Variants in CD9 observed in about 807,000 individuals in gnomAD.
The protein encoded by CD9 is CD9 molecule.
Under a neutral mutation model 31.4 loss-of-function variants are expected in CD9, and 10 were observed. The observed-to-expected ratio is 0.32, with a 90% CI of 0.20 to 0.54. The LOEUF (loss-of-function observed/expected upper bound fraction) is 0.54. Among genes scored for constraint, CD9 ranks in the 20% least tolerant of loss-of-function variants. The pLI is 0.94. For synonymous variants in CD9, 113 were observed against 114.1 expected (o/e 0.99, Z 0.06); for missense variants, 259 against 300.1 (o/e 0.86, Z 1.01).
chr12:6,217,517 T>A (rs1189431281), intron 1 of CD9, among the ~76,000 whole-genome samples: 1 of 152,088 alleles, frequency 6.6e-6, no homozygotes, highest in Non-Finnish European at 1.5e-5. Flanking sequence ...GGTGACAGAT[T>A]GAGACCTGTC....
At chr12:6,201,594 T>A (rs760990779) in intron 1 of CD9, among the ~76,000 whole-genome samples, 1 of 152,240 alleles carries the variant, frequency 6.6e-6, no homozygotes, top group African/African-American at 2.4e-5. Context: ...AAGCAAGGAA[T>A]AGGAAACCCT....
At chr12:6,213,072 C>T (rs918975753) in intron 1 of CD9, among the ~76,000 whole-genome samples, 3 of 152,166 alleles carry the variant, frequency 2.0e-5, no homozygotes, top group Admixed American at 6.5e-5. Context: ...ACACAACCAG[C>T]GTCTTACGAT....
At chr12:6,227,870 G>A (rs1265108500) in intron 2 of CD9, among the ~76,000 whole-genome samples, 1 of 152,162 alleles carries the variant, frequency 6.6e-6, no homozygotes, top group Non-Finnish European at 1.5e-5. Flanking sequence ...CCCCTGCGTC[G>A]GTGGCCCAGC....
intron 1 of CD9, among the ~76,000 whole-genome samples, chr12:6,221,174 T>TTTCCTCTCG (rs1368540549): frequency 1.3e-4 from 20 of 152,222 alleles, no homozygotes; most frequent in African/African-American, 4.8e-4. Flanking sequence ...AAATGACCCT[T>TTTCCTCTCG]TTCCTCTCGG....
intron 4 of CD9, among the ~76,000 whole-genome samples, 176 bp downstream of exon 4, chr12:6,233,662 G>A (rs1946480163): frequency 6.6e-6 from 1 of 152,138 alleles, no homozygotes; most frequent in Non-Finnish European, 1.5e-5. Context: ...GGGAATGTCA[G>A]TGCGCTTACT....
Position 6,209,107 on chromosome 12 carries a change from TAC to T in CD9, c.66+8544_66+8545del, listed in dbSNP as rs1946165519. ...CCTCAGCCTCCTGAGTAGCTGCGACTACAGGCACATGCCACCACGCCCAGCTA... is the reference window on the plus strand; with the variant it reads ...CCTCAGCCTCCTGAGTAGCTGCGACTAGGCACATGCCACCACGCCCAGCTA... On this transcript the variant is annotated intron_variant, in intron 1 of 7. Transcript: ENST00000009180. Among the ~76,000 whole-genome samples the T allele has an allele frequency of 3.3e-5, 5 of 152,192 alleles. No homozygotes were observed. The South Asian group carries it at 1.0e-3, about 31-fold the overall frequency.
In CD9 at chr12:6,232,531, G is replaced by C; in HGVS notation, c.176-101G>C. 1.3e-6 allele frequency: 1 copy of C among 742,822 alleles called. No individual in the cohort carries two copies. The highest frequency in any genetic ancestry group is 2.4e-6 in the Non-Finnish European group (1 of 421,806). The allele number at this position is 742,822 out of a possible 1,614,324, so 46.0% of individuals were successfully genotyped here. On this transcript the variant is annotated intron_variant, in intron 2 of 7. Transcript: ENST00000009180. The surrounding 1 kb of genome is among the most constrained non-coding windows in gnomAD (Gnocchi z 4.8). ...CTGAGATGAGGGGAATAAGGAGGTG[G>C]GGAGGCAGGAGTTAGGCAGAGGGAA...
chr12:6,235,141 G>C, intron 4 of CD9, 88 bp from the exon 5 acceptor site: 2 of 983,172 alleles, frequency 2.0e-6, no homozygotes, highest in South Asian at 2.9e-5. Flanking sequence ...TGAGAGCTTA[G>C]AGAGAACAAG....
chr12:6,225,535 G>T lies in CD9; in HGVS notation c.175+1G>T. ...AATAATAATTCCAGCTTCTACACAG[G>T]TGAGGGACGGGGAAGGCTCAGTGAA... is the stretch of plus-strand genomic sequence containing the variant. On this transcript the variant is annotated splice_donor_variant, in intron 2 of 7. Coordinates refer to ENST00000009180, the MANE Select transcript of CD9 (RefSeq NM_001769.4). LOFTEE classifies it high-confidence loss of function. 1 of 1,577,180 alleles carries T rather than the reference G, an allele frequency of 6.3e-7. No individual in the cohort carries two copies. Among genetic ancestry groups the T allele is most frequent in the Non-Finnish European group, 8.7e-7 (1 of 1,146,414 alleles).
intron 1 of CD9, among the ~76,000 whole-genome samples, chr12:6,222,722 A>G (rs1046496809): frequency 2.0e-5 from 3 of 152,206 alleles, no homozygotes; most frequent in Non-Finnish European, 4.4e-5. Flanking sequence ...GGGGCTCTCT[A>G]TAAGATGGAA....
At chr12:6,213,279 A>G (rs919008325) in intron 1 of CD9, among the ~76,000 whole-genome samples, 1 of 152,196 alleles carries the variant, frequency 6.6e-6, no homozygotes, top group Non-Finnish European at 1.5e-5. Context: ...ATGAAACCAC[A>G]TCACACAAGA....
intron 1 of CD9, among the ~76,000 whole-genome samples, chr12:6,218,748 T>C (rs987812722): frequency 3.3e-5 from 5 of 152,174 alleles, no homozygotes; most frequent in African/African-American, 1.2e-4. Context: ...ATTCTCATCT[T>C]TGCGTGGGAG....
At chr12:6,225,108 A>C (rs1183622515) in intron 1 of CD9, 1 of 307,214 alleles carries the variant, frequency 3.3e-6, no homozygotes, top group Non-Finnish European at 6.0e-6. Context: ...TTGGTTTAGC[A>C]TTGTGAGATG....
In CD9 at chr12:6,235,600, C is replaced by G. The variant is rs199852151; in HGVS notation, c.537+35C>G. 81 of 1,583,204 alleles carry G rather than the reference C, an allele frequency of 5.1e-5. 1 individual carries two copies. In the African/African-American group the frequency reaches 8.4e-4, roughly 17 times the overall value. On this transcript the variant is annotated intron_variant, in intron 6 of 7. Transcript: ENST00000009180. The stretch of plus-strand genomic sequence containing the variant: ...GACCAGGATCCTGGTGTCCCTGCCC[C>G]CATTGCTCTGGACAAACCCTGCAAG...
At chr12:6,227,133 A>G (rs1228955998) in intron 2 of CD9, among the ~76,000 whole-genome samples, 1 of 151,966 alleles carries the variant, frequency 6.6e-6, no homozygotes, top group Non-Finnish European at 1.5e-5. Flanking sequence ...TAGATGTGGG[A>G]GTTAAGAATC....
At chr12:6,236,306 G>A in intron 7 of CD9, 31 bp downstream of exon 7, 1 of 1,592,760 alleles carries the variant, frequency 6.3e-7, no homozygotes, top group Non-Finnish European at 8.6e-7. Context: ...CCAGGAGGGG[G>A]ACTGAGGAGT....
At chr12:6,204,106 T>C (rs1946103672) in intron 1 of CD9, among the ~76,000 whole-genome samples, 1 of 152,194 alleles carries the variant, frequency 6.6e-6, no homozygotes, top group African/African-American at 2.4e-5. Context: ...TCAACTCACT[T>C]TGAAACCTTG....
At chr12:6,225,297 C>T (rs1946349253) in intron 1 of CD9, 129 bp from the exon 2 acceptor site, 2 of 663,426 alleles carry the variant, frequency 3.0e-6, no homozygotes, top group Admixed American at 2.4e-5. Context: ...TCTACAACTA[C>T]CAGGCGTATA....
At chr12:6,209,669 C>G (rs1056103305) in intron 1 of CD9, among the ~76,000 whole-genome samples, 2 of 145,170 alleles carry the variant, frequency 1.4e-5, no homozygotes, top group African/African-American at 5.0e-5. Context: ...GAGACCCAGA[C>G]TGCAAATTTC....
Sources: allele counts gnomAD v4.1 joint callset (sites outside exome capture counted in the v4.1 genomes callset), GRCh38; gene constraint gnomAD v4.1.1; non-coding constraint Gnocchi (gnomAD v3.1); transcripts MANE v1.5; gene names NCBI Gene and HGNC (gene_info 2026-07-23, HGNC 2026-07-21).